TAFA5: variants seen among roughly 807,000 people sequenced by gnomAD.
TAFA5 encodes the protein TAFA chemokine like family member 5.
TAFA5 carries 6 observed loss-of-function variants against 15.3 expected under a neutral mutation model. The ratio of observed to expected loss-of-function variants is 0.39; its 90% CI spans 0.21 to 0.77. TAFA5 has a LOEUF of 0.77. Ranked by LOEUF, TAFA5 falls within the 30% of genes least tolerant of loss-of-function variation. The pLI is 0.41. For missense variants in TAFA5, 161 were observed against 193.1 expected (o/e 0.83, Z 0.98); for synonymous variants, 103 against 80.7 (o/e 1.28, Z -1.48).
At chr22:48,543,325 T>C (rs1922530559) in intron 1 of TAFA5, 2 of 151,910 alleles carry the variant, frequency 1.3e-5, no homozygotes, top group Admixed American at 1.3e-4. Context: ...AAATCCTTCA[T>C]AAAAGGATCG....
chr22:48,732,216 A>G (rs977987705), intron 3 of TAFA5, among the ~76,000 whole-genome samples: 1 of 151,974 alleles, frequency 6.6e-6, no homozygotes, highest in Non-Finnish European at 1.5e-5. Context: ...ATGGGGAGGT[A>G]CTTCTTGGGG....
chr22:48,697,079 G>A (rs530942627), intron 2 of TAFA5, among the ~76,000 whole-genome samples: 3 of 152,378 alleles, frequency 2.0e-5, no homozygotes, highest in African/African-American at 7.2e-5. Flanking sequence ...AGGGATGGAA[G>A]TTCTGAGCTG....
intron 1 of TAFA5, among the ~76,000 whole-genome samples, chr22:48,505,907 G>C (rs1920990052): frequency 6.6e-6 from 1 of 152,220 alleles, no homozygotes; most frequent in African/African-American, 2.4e-5. Context: ...GGCATAAACT[G>C]GTCAGGCTGG....
At chr22:48,729,653 TATAA>T (rs1349901554) in intron 3 of TAFA5, among the ~76,000 whole-genome samples, 11 of 146,988 alleles carry the variant, frequency 7.5e-5, no homozygotes, top group Admixed American at 6.8e-4. Flanking sequence ...TTTTTAATTA[TATAA>T]AATATAAATA....
intron 1 of TAFA5, among the ~76,000 whole-genome samples, chr22:48,574,830 C>A (rs1923704538): frequency 6.6e-6 from 1 of 152,168 alleles, no homozygotes; most frequent in Non-Finnish European, 1.5e-5. Flanking sequence ...CTCTGGGGAG[C>A]GGGGTTGGGG....
At chr22:48,644,382 C>G (rs1363839039) in intron 1 of TAFA5, among the ~76,000 whole-genome samples, 1 of 152,222 alleles carries the variant, frequency 6.6e-6, no homozygotes, top group Non-Finnish European at 1.5e-5. Flanking sequence ...ACTCAGCAGG[C>G]CCTTATGCAC....
intron 2 of TAFA5, among the ~76,000 whole-genome samples, chr22:48,706,419 C>T (rs1374398806): frequency 2.0e-5 from 3 of 152,206 alleles, no homozygotes; most frequent in Non-Finnish European, 4.4e-5. Flanking sequence ...TGGCATGAAG[C>T]GAGCCACATG....
chr22:48,724,822 A>T lies in TAFA5; in HGVS notation c.390+16978A>T, dbSNP rs370007489. ...GGCAGGCAGAGGTGGAATCCTACCCACCCAGGGGGCATCCCCTGCTCGGTC... is the reference window on the plus strand; with the variant it reads ...GGCAGGCAGAGGTGGAATCCTACCCTCCCAGGGGGCATCCCCTGCTCGGTC... On this transcript the variant is annotated intron_variant, in intron 3 of 3. Transcript: ENST00000402357. Among the ~76,000 whole-genome samples, 414 of 152,178 alleles carry T rather than the reference A, an allele frequency of 2.7e-3. 1 individual carries two copies. The highest frequency in any genetic ancestry group is 4.1e-3 in the Non-Finnish European group (282 of 67,982).
chr22:48,503,317 T>C (rs187931309), intron 1 of TAFA5, among the ~76,000 whole-genome samples: 1 of 152,238 alleles, frequency 6.6e-6, no homozygotes, highest in Non-Finnish European at 1.5e-5. Context: ...GCCAGGTGCA[T>C]GGGAAGCCAC....
chr22:48,607,001 C>T (rs28533693), intron 1 of TAFA5, among the ~76,000 whole-genome samples: 19,394 of 152,206 alleles, frequency 0.13, 1,323 homozygotes, highest in African/African-American at 0.17. Context: ...GATGCAGTCA[C>T]CACATGTACT....
chr22:48,699,989 G>C (rs901661276), intron 2 of TAFA5, among the ~76,000 whole-genome samples: 1 of 152,016 alleles, frequency 6.6e-6, no homozygotes, highest in African/African-American at 2.4e-5. Context: ...GGAGTGGATG[G>C]GCCTTTGCTG....
chr22:48,587,208 C>T (rs903898050), intron 1 of TAFA5, among the ~76,000 whole-genome samples: 12 of 152,188 alleles, frequency 7.9e-5, no homozygotes, highest in African/African-American at 2.2e-4. Flanking sequence ...AGGCCCATGA[C>T]GGTTTCCCAT....
intron 1 of TAFA5, among the ~76,000 whole-genome samples, chr22:48,597,693 C>G (rs1465259834): frequency 6.6e-6 from 1 of 152,268 alleles, no homozygotes; most frequent in Non-Finnish European, 1.5e-5. Flanking sequence ...CGGTTCTTGG[C>G]TGAGTCTGAC....
At chr22:48,637,634 G>A (rs991844845) in intron 1 of TAFA5, among the ~76,000 whole-genome samples, 1 of 152,158 alleles carries the variant, frequency 6.6e-6, no homozygotes, top group Non-Finnish European at 1.5e-5. Context: ...TATCTGTAAT[G>A]AAATCCCGCA....
intron 2 of TAFA5, among the ~76,000 whole-genome samples, chr22:48,688,503 A>C (rs80348705): frequency 0.015 from 2,340 of 152,260 alleles, 22 homozygotes; most frequent in Non-Finnish European, 0.025. Flanking sequence ...ATGCACCCCA[A>C]GGCCTTGGCC....
At chr22:48,562,258 C>T (rs1225635021) in intron 1 of TAFA5, among the ~76,000 whole-genome samples, 1 of 152,070 alleles carries the variant, frequency 6.6e-6, no homozygotes, top group Non-Finnish European at 1.5e-5. Context: ...CTGCCTCAGC[C>T]TCCTGAGTAG....
At chr22:48,593,546 G>A (rs1924652574) in intron 1 of TAFA5, among the ~76,000 whole-genome samples, 1 of 152,186 alleles carries the variant, frequency 6.6e-6, no homozygotes, top group African/African-American at 2.4e-5. Context: ...CTGGGTTGAG[G>A]AGGGCTAGTG....
At position 48,539,495 on chromosome 22, in the gene TAFA5, G is replaced by A. The variant is rs552216929; in HGVS notation, c.112+49791G>A. ...TATTGTGTTGACTTTTCTTAAAGAC[G>A]GAGTTACATTTAGACGGGTGCAGTT... is the stretch of plus-strand genomic sequence containing the variant. On this transcript the variant is annotated intron_variant, in intron 1 of 3. Transcript: ENST00000402357. 7.4e-5 allele frequency: 35 copies of A among 471,072 alleles called. No homozygotes were observed. The East Asian group carries it at 9.7e-4, about 13-fold the overall frequency. The allele number at this position is 471,072 out of a possible 1,614,324, so 29.2% of individuals were successfully genotyped here.
chr22:48,612,400 G>C (rs73173446), intron 1 of TAFA5, among the ~76,000 whole-genome samples: 39 of 152,130 alleles, frequency 2.6e-4, no homozygotes, highest in Non-Finnish European at 4.6e-4. Flanking sequence ...TAAATGGCCC[G>C]TGTACCTCCC....
Sources: gnomAD v4.1 joint callset for allele counts (sites outside exome capture counted in the v4.1 genomes callset) on GRCh38, gnomAD v4.1.1 for gene constraint, MANE v1.5 for transcripts, NCBI Gene and HGNC (gene_info 2026-07-23, HGNC 2026-07-21) for gene names.